The following FAT3 variants were observed in gnomAD, a reference collection of about 807,000 sequenced individuals.
FAT3 encodes protocadherin Fat 3.
FAT3 carries 95 observed loss-of-function variants against 310.2 expected under a neutral mutation model. The ratio of observed to expected loss-of-function variants is 0.31; its 90% CI spans 0.26 to 0.36. The LOEUF (loss-of-function observed/expected upper bound fraction) is 0.36, where lower values mean the gene tolerates loss of function less well. Ranked by LOEUF, FAT3 falls within the 10% of genes least tolerant of loss-of-function variation. The pLI is 1.00. For synonymous variants in FAT3, 2,314 were observed against 2,192.9 expected (o/e 1.06, Z -1.54); for missense variants, 5,408 against 5,715.6 (o/e 0.95, Z 1.74).
chr11:92,535,526 C>T (rs1421857592), intron 3 of FAT3, among the ~76,000 whole-genome samples: 1 of 152,146 alleles, frequency 6.6e-6, no homozygotes, highest in Non-Finnish European at 1.5e-5. Context: ...GGAGGAAGAC[C>T]CCATGGCAGA....
chr11:92,819,496 A>G (rs1195881362), intron 13 of FAT3, among the ~76,000 whole-genome samples: 1 of 152,206 alleles, frequency 6.6e-6, no homozygotes, highest in East Asian at 1.9e-4. Flanking sequence ...CCAGAACCAC[A>G]CTTTGAATAT....
chr11:92,374,437 A>G (rs754214202), intron 2 of FAT3, among the ~76,000 whole-genome samples: 21 of 152,298 alleles, frequency 1.4e-4, no homozygotes, highest in South Asian at 8.3e-4. Context: ...CACTAGGGAG[A>G]GACAACCTCT....
chr11:92,611,101 A>G (rs1940540925), intron 3 of FAT3, among the ~76,000 whole-genome samples: 1 of 152,040 alleles, frequency 6.6e-6, no homozygotes, highest in South Asian at 2.1e-4. Context: ...ATACAAGAAG[A>G]TTATTAAGTG....
At chr11:92,672,360 A>G (rs1242616968) in intron 3 of FAT3, among the ~76,000 whole-genome samples, 1 of 152,192 alleles carries the variant, frequency 6.6e-6, no homozygotes, top group Non-Finnish European at 1.5e-5. Flanking sequence ...TGGGCAGGAA[A>G]ATCTAGAAGA....
intron 23 of FAT3, 73 bp from the exon 24 acceptor site, chr11:92,882,665 T>C (rs757973708): frequency 9.7e-6 from 14 of 1,437,966 alleles, no homozygotes; most frequent in Non-Finnish European, 1.3e-5. Flanking sequence ...ATGTCTGTGT[T>C]TTCTCGAGTT....
At chr11:92,787,156 T>G (rs1946916848) in intron 7 of FAT3, among the ~76,000 whole-genome samples, 1 of 152,172 alleles carries the variant, frequency 6.6e-6, no homozygotes, top group African/African-American at 2.4e-5. Context: ...AGTTGAGAAC[T>G]GATGTTAATG....
chr11:92,663,207 A>G (rs902980721), intron 3 of FAT3, among the ~76,000 whole-genome samples: 3 of 152,186 alleles, frequency 2.0e-5, no homozygotes, highest in African/African-American at 7.2e-5. Flanking sequence ...AGGGAATTCC[A>G]AGCTTTGGAA....
Position 92,839,485 on chromosome 11 carries a change from G to A in FAT3, c.10369-1077G>A, listed in dbSNP as rs560252392. On this transcript the variant is annotated intron_variant, in intron 17 of 27. Transcript: ENST00000525166. ...ACTTGTGAAAAGGAGCAAAATAAGA[G>A]GTCTATGCAGTCCTTTTCTCTTTCT... 2.6e-5 allele frequency among the ~76,000 whole-genome samples: 4 copies of A among 152,298 alleles called. 1 individual carries two copies. The highest frequency in any genetic ancestry group is 7.2e-5 in the African/African-American group (3 of 41,558).
Position 92,677,488 on chromosome 11 carries a change from A to G in FAT3, c.3608-19896A>G, listed in dbSNP as rs529470592. ...TTGTCTGATGGCAGCAGTTACATCC[A>G]TCTCCCTGGAATTTTCTGCCAGCAG... On this transcript the variant is annotated intron_variant, in intron 3 of 27. Coordinates refer to ENST00000525166, the MANE Select transcript of FAT3 (RefSeq NM_001367949.2). Among the ~76,000 whole-genome samples the G allele has an allele frequency of 4.4e-4, 67 of 152,314 alleles. No homozygotes were observed. The South Asian group carries it at 0.013, about 30-fold the overall frequency.
intron 19 of FAT3, among the ~76,000 whole-genome samples, chr11:92,851,232 A>G (rs573583532): frequency 2.3e-4 from 35 of 152,274 alleles, no homozygotes; most frequent in African/African-American, 7.9e-4. Flanking sequence ...AACAAGGGAA[A>G]AGTTACACCT....
chr11:92,852,708 T>C (rs972818562), intron 19 of FAT3, among the ~76,000 whole-genome samples: 4 of 152,206 alleles, frequency 2.6e-5, no homozygotes, highest in Non-Finnish European at 4.4e-5. Context: ...TAGAATGTAC[T>C]TATAATATTT....
intron 9 of FAT3, among the ~76,000 whole-genome samples, chr11:92,797,272 T>G (rs1261873077): frequency 6.6e-6 from 1 of 152,180 alleles, no homozygotes; most frequent in Non-Finnish European, 1.5e-5. Context: ...AAGTAGTGTT[T>G]TGGATAAAGT....
chr11:92,499,729 G>A (rs886914033), intron 2 of FAT3, among the ~76,000 whole-genome samples: 1 of 123,550 alleles, frequency 8.1e-6, no homozygotes, highest in Non-Finnish European at 1.8e-5. Flanking sequence ...GTGTATGTGT[G>A]TGTGTGTGTG....
intron 1 of FAT3, among the ~76,000 whole-genome samples, chr11:92,302,437 T>G (rs1191746189): frequency 6.6e-6 from 1 of 152,126 alleles, no homozygotes; most frequent in African/African-American, 2.4e-5. Flanking sequence ...ATGTTAAGCT[T>G]GCCATTCAAA....
At chr11:92,854,510 C>G (rs938228522) in intron 19 of FAT3, among the ~76,000 whole-genome samples, 1 of 152,182 alleles carries the variant, frequency 6.6e-6, no homozygotes, top group Non-Finnish European at 1.5e-5. Context: ...GACAGGCTAT[C>G]GCTACCATCA....
chr11:92,340,103 C>A (rs919407474), intron 1 of FAT3, among the ~76,000 whole-genome samples: 3 of 124,068 alleles, frequency 2.4e-5, no homozygotes, highest in Non-Finnish European at 1.6e-5. Flanking sequence ...CAGAGCAAGA[C>A]TCCATCTCAA....
intron 3 of FAT3, among the ~76,000 whole-genome samples, chr11:92,647,379 C>A (rs934112423): frequency 6.6e-6 from 1 of 152,078 alleles, no homozygotes; most frequent in African/African-American, 2.4e-5. Flanking sequence ...GACATAATTG[C>A]TCAAAATAAG....
At chr11:92,743,511 G>A (rs564342139) in intron 4 of FAT3, among the ~76,000 whole-genome samples, 4 of 152,318 alleles carry the variant, frequency 2.6e-5, no homozygotes, top group Admixed American at 1.3e-4. Flanking sequence ...TAGCACTTTA[G>A]GGACATTGTT....
intron 13 of FAT3, among the ~76,000 whole-genome samples, chr11:92,831,360 G>T (rs1190271157): frequency 2.0e-5 from 3 of 152,052 alleles, no homozygotes; most frequent in Non-Finnish European, 4.4e-5. Flanking sequence ...AAAGATTTGT[G>T]GGGGGCGAGT....
Sources: gnomAD v4.1 joint callset for allele counts (sites outside exome capture counted in the v4.1 genomes callset) on GRCh38, gnomAD v4.1.1 for gene constraint, MANE v1.5 for transcripts, NCBI Gene and HGNC (gene_info 2026-07-23, HGNC 2026-07-21) for gene names.